Variants in TENM1 observed in about 807,000 individuals in gnomAD.
TENM1 encodes teneurin-1.
Under a neutral mutation model 174.8 loss-of-function variants are expected in TENM1, and 35 were observed. That is an observed-to-expected ratio of 0.20 (90% confidence interval 0.15 to 0.27). TENM1 has a LOEUF of 0.27. Ranked by LOEUF, TENM1 falls within the 10% of genes least tolerant of loss-of-function variation. The probability of loss-of-function intolerance (pLI) is 1.00; values close to 1 mark genes in which losing one functional copy is unlikely to be tolerated. For missense variants in TENM1, 1,633 were observed against 2,130.1 expected (o/e 0.77, Z 4.59); for synonymous variants, 781 against 798.7 (o/e 0.98, Z 0.37).
At position 124,646,725 on chromosome X, in the gene TENM1, T is replaced by G. The variant is rs756093188; in HGVS notation, c.1665A>C (p.Gly555=). The change falls in exon 9 of 32, where the codon GGA becomes GGC. Residue 555 remains glycine, a synonymous_variant. Coordinates refer to ENST00000422452, the Ensembl canonical transcript of TENM1. ...CAACATTACCTCTAGCACAGTCAGG[T>G]CCAAGGAATCCTGGGAAACAATGAC... 5 of 1,201,120 alleles carry G rather than the reference T, an allele frequency of 4.2e-6. No individual in the cohort carries two copies. In the Admixed American group the frequency reaches 1.1e-4, roughly 26 times the overall value.
At chrX:125,134,512 T>C in the TENM1 span, among the ~76,000 whole-genome samples, 44 of 112,372 alleles carry the variant, frequency 3.9e-4, no homozygotes, top group Non-Finnish European at 3.0e-4. Flanking sequence ...CAAACTGGGC[T>C]TCTGTTTGTG....
chrX:124,507,888 T>C (rs1249968170), intron 18 of TENM1, among the ~76,000 whole-genome samples: 5 of 112,203 alleles, frequency 4.5e-5, no homozygotes, highest in Non-Finnish European at 9.4e-5. Flanking sequence ...AGTCGTCTGA[T>C]AGTCAATGTG....
intron 3 of TENM1, among the ~76,000 whole-genome samples, chrX:124,759,297 G>A (rs1215750400): frequency 9.0e-6 from 1 of 110,852 alleles, no homozygotes; most frequent in African/African-American, 3.3e-5. Context: ...AATAACGTAT[G>A]TTTTAATAGA....
At chrX:124,726,332 G>A (rs922568198) in intron 4 of TENM1, among the ~76,000 whole-genome samples, 6 of 112,509 alleles carry the variant, frequency 5.3e-5, no homozygotes, top group African/African-American at 1.9e-4. Flanking sequence ...ACTAGAGACT[G>A]TATCACACTG....
At chrX:125,008,183 A>G in the TENM1 span, among the ~76,000 whole-genome samples, 2 of 111,132 alleles carry the variant, frequency 1.8e-5, no homozygotes, top group African/African-American at 6.6e-5. Context: ...AGGGATGGAG[A>G]AAAATTTACC....
chrX:124,408,167 A>T (rs1400209324), intron 25 of TENM1, among the ~76,000 whole-genome samples: 1 of 111,356 alleles, frequency 9.0e-6, no homozygotes, highest in African/African-American at 3.3e-5. Flanking sequence ...TTTTTGAGAC[A>T]GTCTTGCTCT....
At chrX:125,024,524 CACTT>C in the TENM1 span, among the ~76,000 whole-genome samples, 2 of 110,990 alleles carry the variant, frequency 1.8e-5, no homozygotes, top group African/African-American at 6.6e-5. Context: ...CACACATTCT[CACTT>C]ATAAGTGGGA....
At chrX:124,462,414 G>C (rs1311513472) in intron 22 of TENM1, among the ~76,000 whole-genome samples, 1 of 77,725 alleles carries the variant, frequency 1.3e-5, no homozygotes, top group East Asian at 4.4e-4. Flanking sequence ...AAGCTATTGA[G>C]ATACTGTGTG....
At chrX:124,857,654 T>C in intron 3 of TENM1, among the ~76,000 whole-genome samples, 1 of 110,868 alleles carries the variant, frequency 9.0e-6, no homozygotes, top group South Asian at 3.8e-4. Flanking sequence ...GTTCTAAAAT[T>C]GATTGTGGTG....
At chrX:124,864,697 G>C (rs1333565664) in intron 3 of TENM1, among the ~76,000 whole-genome samples, 1 of 110,870 alleles carries the variant, frequency 9.0e-6, no homozygotes, top group Non-Finnish European at 1.9e-5. Context: ...TTTATTCAAA[G>C]GAATAATAAC....
At chrX:125,201,669 AAAT>A in the TENM1 span, among the ~76,000 whole-genome samples, 1 of 111,998 alleles carries the variant, frequency 8.9e-6, no homozygotes, top group African/African-American at 3.2e-5. Context: ...GAAAACTTTT[AAAT>A]AATATTTAGA....
intron 3 of TENM1, among the ~76,000 whole-genome samples, chrX:124,778,075 G>A (rs1005938992): frequency 2.7e-5 from 3 of 113,179 alleles, no homozygotes; most frequent in African/African-American, 6.4e-5. Context: ...CAGTGGATTC[G>A]TTTCAGGAAA....
chrX:124,861,720 AAT>A (rs757393623), intron 3 of TENM1, among the ~76,000 whole-genome samples: 6 of 112,432 alleles, frequency 5.3e-5, no homozygotes, highest in Non-Finnish European at 9.4e-5. Flanking sequence ...TAATTTAGGC[AAT>A]GTCTTATATG....
chrX:125,016,897 A>G, the TENM1 span, among the ~76,000 whole-genome samples: 1 of 111,666 alleles, frequency 9.0e-6, no homozygotes, highest in Non-Finnish European at 1.9e-5. Flanking sequence ...CAGAGGCCTC[A>G]GAAATAACGC....
the TENM1 span, among the ~76,000 whole-genome samples, chrX:125,005,928 C>T: frequency 9.0e-6 from 1 of 111,623 alleles, no homozygotes; most frequent in South Asian, 3.8e-4. Flanking sequence ...AGGTTTTGAG[C>T]ACAAAACTGG....
chrX:125,170,666 C>T, the TENM1 span, among the ~76,000 whole-genome samples: 1 of 111,055 alleles, frequency 9.0e-6, no homozygotes. Flanking sequence ...CTCTCCCACC[C>T]TATGGGCTTC....
intron 11 of TENM1, among the ~76,000 whole-genome samples, chrX:124,613,167 G>A (rs979509044): frequency 9.0e-5 from 10 of 111,337 alleles, no homozygotes; most frequent in African/African-American, 2.6e-4. Flanking sequence ...ATGAACAACT[G>A]ACATTTGTAT....
At chrX:125,145,030 G>A in the TENM1 span, among the ~76,000 whole-genome samples, 9 of 111,402 alleles carry the variant, frequency 8.1e-5, no homozygotes, top group South Asian at 3.0e-3. Flanking sequence ...TTACAGGCGT[G>A]AGCCACCTTG....
At chrX:124,793,519 G>A (rs1362918053) in intron 3 of TENM1, among the ~76,000 whole-genome samples, 1 of 111,519 alleles carries the variant, frequency 9.0e-6, no homozygotes, top group Non-Finnish European at 1.9e-5. Flanking sequence ...ACAATCACAT[G>A]TTATATTATA....
Sources: gnomAD v4.1 joint callset for allele counts (sites outside exome capture counted in the v4.1 genomes callset) on GRCh38, gnomAD v4.1.1 for gene constraint, MANE v1.5 for transcripts, NCBI Gene and HGNC (gene_info 2026-07-23, HGNC 2026-07-21) for gene names.